The following TDP1 variants were observed in gnomAD, a reference collection of about 807,000 sequenced individuals.
The protein encoded by TDP1 is tyr-DNA phosphodiesterase 1.
In TDP1, 64 loss-of-function variants were observed where a neutral mutation model predicts 81.5. The ratio of observed to expected loss-of-function variants is 0.79; its 90% CI spans 0.64 to 0.97. The LOEUF is 0.97. Among genes scored for constraint, TDP1 ranks in the 50% least tolerant of loss-of-function variants. TDP1 has a pLI of 0.00. For missense variants in TDP1, 723 were observed against 743.8 expected, an observed-to-expected ratio of 0.97 and a Z score of 0.33; for synonymous variants, 256 against 264.3, an observed-to-expected ratio of 0.97 and a Z score of 0.30.
intron 16 of TDP1, 137 bp downstream of exon 16, chr14:90,033,351 C>T (rs1399138420): frequency 1.4e-6 from 1 of 704,878 alleles, no homozygotes; most frequent in Non-Finnish European, 2.6e-6. Flanking sequence ...GGGCCCTTTG[C>T]CAGCCTGTCT....
rs775659893 is a variant in TDP1, at chr14:89,963,281, A to G, written c.167A>G (p.His56Arg). ...YTCSEAQKAAHKRKISPVKFS... is the reference protein window; with the variant it reads ...YTCSEAQKAARKRKISPVKFS... The stretch of plus-strand genomic sequence containing the variant: ...TGTTCCGAGGCCCAGAAAGCTGCAC[A>G]CAAGAGGAAAATATCACCTGTGAAA... The change falls in exon 3 of 17, where the codon CAC becomes CGC. Residue 56 changes from histidine to arginine, a missense_variant. Transcript: ENST00000335725. 1 of 1,614,230 alleles carries G rather than the reference A, an allele frequency of 6.2e-7. No homozygotes were observed. Among genetic ancestry groups the G allele is most frequent in the South Asian group, 1.1e-5 (1 of 91,092 alleles).
intron 14 of TDP1, among the ~76,000 whole-genome samples, chr14:89,999,895 T>C (rs1050965448): frequency 6.6e-6 from 1 of 152,230 alleles, no homozygotes; most frequent in East Asian, 1.9e-4. Flanking sequence ...CTATGTAATA[T>C]ATGATCACAA....
intron 11 of TDP1, 120 bp from the exon 12 acceptor site, chr14:89,989,597 A>G: frequency 1.8e-6 from 2 of 1,125,522 alleles, no homozygotes; most frequent in South Asian, 1.5e-5. Context: ...TAAAAATTTA[A>G]AGCATATTTT....
At chr14:90,027,302 T>G (rs1886780142) in intron 15 of TDP1, among the ~76,000 whole-genome samples, 1 of 152,054 alleles carries the variant, frequency 6.6e-6, no homozygotes, top group South Asian at 2.1e-4. Context: ...CTTCCCTCCC[T>G]GTTTTCCCCA....
chr14:89,983,851 A>G (rs1895269338), intron 8 of TDP1, among the ~76,000 whole-genome samples: 1 of 152,194 alleles, frequency 6.6e-6, no homozygotes, highest in African/African-American at 2.4e-5. Flanking sequence ...GAAATGAAAG[A>G]TGTCTGTAAT....
intron 15 of TDP1, among the ~76,000 whole-genome samples, chr14:90,019,830 T>C (rs1237731604): frequency 6.6e-6 from 1 of 152,068 alleles, no homozygotes; most frequent in African/African-American, 2.4e-5. Context: ...GGCAGAGTAT[T>C]TGAAAGATGC....
intron 14 of TDP1, among the ~76,000 whole-genome samples, chr14:90,006,805 C>T (rs1484100998): frequency 6.6e-6 from 1 of 152,212 alleles, no homozygotes; most frequent in African/African-American, 2.4e-5. Flanking sequence ...TCCCAAAGTG[C>T]TGGGATTACA....
chr14:89,983,969 G>A (rs1895285037), intron 8 of TDP1: 1 of 219,494 alleles, frequency 4.6e-6, no homozygotes, highest in Non-Finnish European at 7.7e-6. Context: ...AAAATATGCT[G>A]CTATAGGACC....
intron 16 of TDP1, chr14:90,033,427 T>C (rs1566929453): frequency 1.6e-6 from 1 of 622,168 alleles, no homozygotes; most frequent in Non-Finnish European, 3.0e-6. Context: ...ATACAGATCC[T>C]TCCTGACTTA....
At chr14:90,005,298 G>A (rs1178394952) in intron 14 of TDP1, among the ~76,000 whole-genome samples, 1 of 152,130 alleles carries the variant, frequency 6.6e-6, no homozygotes, top group Non-Finnish European at 1.5e-5. Flanking sequence ...CCTTTCAGAA[G>A]CCACCACAAC....
chr14:90,014,601 C>G (rs1384453927), intron 14 of TDP1, among the ~76,000 whole-genome samples: 1 of 152,182 alleles, frequency 6.6e-6, no homozygotes, highest in African/African-American at 2.4e-5. Context: ...GTGGCCAAAG[C>G]CTCAGTCTGT....
chr14:89,967,839 G>A (rs985884488), intron 5 of TDP1, among the ~76,000 whole-genome samples: 2 of 152,204 alleles, frequency 1.3e-5, no homozygotes, highest in Non-Finnish European at 2.9e-5. Context: ...ATGAGGAAAG[G>A]AGGCTTATCT....
rs1895435759 is a variant in TDP1 at position 89,985,300 on chromosome 14, CAA to C, written c.1131+91_1131+92del. ...AATTATATATTTTGATGCAGCTTCA[CAA>C]TATTTCTGCACAATTCTGGGCAAAT... is the stretch of plus-strand genomic sequence containing the variant. On this transcript the variant is annotated intron_variant, in intron 10 of 16. Coordinates refer to ENST00000335725, the MANE Select transcript of TDP1 (RefSeq NM_018319.4). The C allele has an allele frequency of 5.2e-6, 4 of 765,126 alleles. No homozygotes were observed. The South Asian group carries it at 7.1e-5, about 14-fold the overall frequency. 47.4% of individuals were successfully genotyped at this position (765,126 alleles called of 1,614,324 possible).
At position 89,993,429 on chromosome 14, in the gene TDP1, C is replaced by T; in HGVS notation, c.1487C>T (p.Thr496Ile). 6.2e-7 allele frequency: 1 copy of T among 1,613,844 alleles called. No homozygotes were observed. The highest frequency in any genetic ancestry group is 1.1e-5 in the South Asian group (1 of 91,072). Residue 496 changes from threonine (T) to isoleucine (I), a missense_variant, in exon 14 of 17, where the codon ACA becomes ATA. Thr to Ile is a moderately conservative substitution (Grantham distance 89). Coordinates refer to ENST00000335725, the MANE Select transcript of TDP1 (RefSeq NM_018319.4). Reference protein sequence around the residue: ...GRSNAMPHIKTYMRPSPDFSK... With the variant: ...GRSNAMPHIKIYMRPSPDFSK... The stretch of plus-strand genomic sequence containing the variant: ...AGCAATGCCATGCCACATATTAAGA[C>T]ATATATGAGGCCTTCTCCAGACTTC...
chr14:90,033,013 A>G lies in TDP1; in HGVS notation c.1645-93A>G. The G allele has an allele frequency of 9.4e-6, 11 of 1,175,816 alleles. No individual in the cohort carries two copies. In the South Asian group the frequency reaches 1.5e-4, roughly 16 times the overall value. 72.8% of individuals were successfully genotyped at this position (1,175,816 alleles called of 1,614,324 possible). On this transcript the variant is annotated intron_variant, in intron 15 of 16. Coordinates refer to ENST00000335725, the MANE Select transcript of TDP1 (RefSeq NM_018319.4). ...ATAATTTGAATTTTATTTAGGTACCATAAAGATATTATTGCTTCTTGAGGC... is the reference window on the plus strand; with the variant it reads ...ATAATTTGAATTTTATTTAGGTACCGTAAAGATATTATTGCTTCTTGAGGC...
chr14:89,980,116 A>G (rs1894805709), intron 7 of TDP1: 1 of 974,118 alleles, frequency 1.0e-6, no homozygotes, highest in African/African-American at 1.8e-5. Flanking sequence ...AAATATATAC[A>G]GTATACCAAT....
intron 10 of TDP1, among the ~76,000 whole-genome samples, chr14:89,988,343 G>A (rs538356971): frequency 2.6e-5 from 4 of 152,222 alleles, no homozygotes; most frequent in African/African-American, 9.6e-5. Context: ...GAGGATGGGG[G>A]GTTGTGCCAA....
intron 14 of TDP1, among the ~76,000 whole-genome samples, chr14:90,012,573 C>T (rs1161302591): frequency 2.6e-5 from 4 of 152,086 alleles, no homozygotes; most frequent in African/African-American, 9.7e-5. Flanking sequence ...CAATTCTTAA[C>T]TTCTGTGTAC....
chr14:89,984,144 C>T (rs890041499), intron 8 of TDP1: 7 of 985,216 alleles, frequency 7.1e-6, no homozygotes, highest in Admixed American at 6.1e-5. Context: ...TTGCTTTAAC[C>T]GTTAAGAGTA....
Sources: gnomAD v4.1 joint callset for allele counts (sites outside exome capture counted in the v4.1 genomes callset) on GRCh38, gnomAD v4.1.1 for gene constraint, MANE v1.5 for transcripts, NCBI Gene and HGNC (gene_info 2026-07-23, HGNC 2026-07-21) for gene names.